The following EPB41L1 variants were observed in gnomAD, a reference collection of about 807,000 sequenced individuals.
EPB41L1 encodes the protein band 4.1-like protein 1.
Under a neutral mutation model 97.8 loss-of-function variants are expected in EPB41L1, and 29 were observed. The ratio of observed to expected loss-of-function variants is 0.30; its 90% confidence interval spans 0.22 to 0.40. The LOEUF (loss-of-function observed/expected upper bound fraction) is 0.40. Ranked by LOEUF, EPB41L1 falls within the 10% of genes least tolerant of loss-of-function variation. The pLI, the probability that EPB41L1 is intolerant of heterozygous loss-of-function variation, is 1.00. For missense variants in EPB41L1, 812 were observed against 1,162.3 expected, an observed-to-expected ratio of 0.70 and a Z score of 4.38; for synonymous variants, 383 against 459.2, an observed-to-expected ratio of 0.83 and a Z score of 2.12.
In EPB41L1 at chr20:36,093,369, C is replaced by T. The variant is rs934535613; in HGVS notation, c.-65+1757C>T. Among the ~76,000 whole-genome samples, 2 of 147,910 alleles carry T rather than the reference C, an allele frequency of 1.4e-5. No individual in the cohort carries two copies. The highest frequency in any genetic ancestry group is 3.0e-5 in the Non-Finnish European group (2 of 66,856). On this transcript the variant is annotated intron_variant, in intron 1 of 19. Coordinates refer to the EPB41L1 transcript ENST00000202028. This position sits in a 1 kb window ranked among gnomAD's most constrained non-coding sequence, Gnocchi z 5.4. ...GCTGTGTGCGCGCCAGTGTAACTCCCGTGTGTGCGCGTGTGAGTGCGGGTG... is the reference window on the plus strand; with the variant it reads ...GCTGTGTGCGCGCCAGTGTAACTCCTGTGTGTGCGCGTGTGAGTGCGGGTG...
At chr20:36,203,948 A>G (rs1317970146) in intron 14 of EPB41L1, among the ~76,000 whole-genome samples, 2 of 152,152 alleles carry the variant, frequency 1.3e-5, no homozygotes, top group African/African-American at 4.8e-5. Flanking sequence ...GGGTGGGATT[A>G]ACAGACTCCT....
chr20:36,157,945 C>A (rs2060377617), intron 1 of EPB41L1, among the ~76,000 whole-genome samples: 2 of 152,180 alleles, frequency 1.3e-5, no homozygotes, highest in Non-Finnish European at 2.9e-5. Flanking sequence ...GCTTGTGGAT[C>A]AGAATAGTAA....
upstream of EPB41L1, among the ~76,000 whole-genome samples, chr20:36,153,480 A>C (rs2060140991): frequency 6.6e-6 from 1 of 152,152 alleles, no homozygotes. Context: ...CATGGTAGGT[A>C]CTTAGGAATG....
chr20:36,129,649 G>A (rs2059115436), intron 2 of EPB41L1, among the ~76,000 whole-genome samples: 1 of 152,144 alleles, frequency 6.6e-6, no homozygotes, highest in Non-Finnish European at 1.5e-5. Context: ...GCCCTCATTT[G>A]CCTGTTGCTG....
Position 36,173,878 on chromosome 20 carries a change from C to G in EPB41L1, c.101C>G (p.Pro34Arg). 2 of 1,614,042 alleles carry G rather than the reference C, an allele frequency of 1.2e-6. No individual in the cohort carries two copies. Among genetic ancestry groups the G allele is most frequent in the Non-Finnish European group, 8.5e-7 (1 of 1,179,960 alleles). ...AAAAVTTPVTPAGHGHPEANS... is the reference protein window; with the variant it reads ...AAAAVTTPVTRAGHGHPEANS... ...GCCGCTGTGACCACCCCTGTGACCC[C>G]TGCAGGCCACGGCCACCCAGAGGCC... Residue 34 changes from proline (P) to arginine (R), a missense_variant, in exon 2 of 22, where the codon CCT (proline) becomes CGT (arginine). Physicochemically the swap from Pro to Arg is moderately radical, Grantham distance 103. Coordinates refer to ENST00000338074, the MANE Select transcript of EPB41L1 (RefSeq NM_012156.2).
chr20:36,191,249 G>A (rs575151335), intron 11 of EPB41L1, among the ~76,000 whole-genome samples: 1 of 152,096 alleles, frequency 6.6e-6, no homozygotes, highest in South Asian at 2.1e-4. Context: ...TCTTATGACT[G>A]CAGTGTGGAG....
chr20:36,094,684 TAAA>T (rs2057772398), intron 1 of EPB41L1, among the ~76,000 whole-genome samples: 1 of 152,106 alleles, frequency 6.6e-6, no homozygotes, highest in South Asian at 2.1e-4. Flanking sequence ...CTGCAATTCT[TAAA>T]AATGTTTCCC....
chr20:36,122,889 A>C (rs2058801850), intron 2 of EPB41L1: 1 of 152,096 alleles, frequency 6.6e-6, no homozygotes, highest in Non-Finnish European at 1.5e-5. Context: ...TCCATCCCTG[A>C]ACAAACGATA....
chr20:36,175,467 A>T, intron 2 of EPB41L1, 84 bp from the exon 3 acceptor site: 1 of 1,534,106 alleles, frequency 6.5e-7, no homozygotes, highest in Non-Finnish European at 9.0e-7. Flanking sequence ...TTGGCCCCAG[A>T]TGCCTCTATA....
chr20:36,129,156 G>A (rs2059090058), intron 2 of EPB41L1, among the ~76,000 whole-genome samples: 3 of 152,074 alleles, frequency 2.0e-5, no homozygotes, highest in African/African-American at 7.2e-5. Flanking sequence ...GGGGGTGAGG[G>A]GTGGGTCCTG....
intron 2 of EPB41L1, among the ~76,000 whole-genome samples, chr20:36,126,298 G>A (rs1382350973): frequency 6.6e-6 from 1 of 151,992 alleles, no homozygotes; most frequent in Non-Finnish European, 1.5e-5. Context: ...CTGTATTTCA[G>A]AGTCTATCAG....
intron 1 of EPB41L1, among the ~76,000 whole-genome samples, chr20:36,103,890 G>C (rs2058103303): frequency 6.6e-6 from 1 of 151,928 alleles, no homozygotes; most frequent in Admixed American, 6.6e-5. Context: ...ATTTTTAGTA[G>C]AGACAGGGTT....
intron 1 of EPB41L1, among the ~76,000 whole-genome samples, chr20:36,171,534 T>C (rs2060988121): frequency 6.6e-6 from 1 of 152,156 alleles, no homozygotes; most frequent in Non-Finnish European, 1.5e-5. Context: ...CCCTCTCATT[T>C]GTACTCCAAG....
Position 36,190,436 on chromosome 20 carries a change from C to T in EPB41L1, c.1124+62C>T. 6.4e-7 allele frequency: 1 copy of T among 1,570,896 alleles called. No individual in the cohort carries two copies. The highest frequency in any genetic ancestry group is 1.1e-5 in the South Asian group (1 of 88,590). ...CAGAGGCCATGTGTATGGAGGGGAGCAGGGGGAGGAGTTAGTGAGAACTCT... is the reference window on the plus strand; with the variant it reads ...CAGAGGCCATGTGTATGGAGGGGAGTAGGGGGAGGAGTTAGTGAGAACTCT... On this transcript the variant is annotated intron_variant, in intron 10 of 21. Coordinates refer to ENST00000338074, the MANE Select transcript of EPB41L1 (RefSeq NM_012156.2). The surrounding 1 kb of genome is among the most constrained non-coding windows in gnomAD (Gnocchi z 5.8).
chr20:36,202,879 C>T (rs2062576594), intron 14 of EPB41L1, among the ~76,000 whole-genome samples: 2 of 151,804 alleles, frequency 1.3e-5, no homozygotes, highest in African/African-American at 4.8e-5. Context: ...CCTGAACAGC[C>T]TGGAGTCAGG....
chr20:36,153,290 G>A (rs907041496), upstream of EPB41L1, among the ~76,000 whole-genome samples: 15 of 151,906 alleles, frequency 9.9e-5, no homozygotes, highest in Admixed American at 2.0e-4. Context: ...TTGGGGGAGG[G>A]AGGTGCCTGG....
rs2063190942 is a variant in EPB41L1 at position 36,212,497 on chromosome 20, A to G, written c.2184+121A>G. ...TAATCTCAGCTTCCCTGGAACCCAT[A>G]TGTTAATCCTGATGCTCTCCTGTGC... On this transcript the variant is annotated intron_variant, in intron 16 of 21. Coordinates refer to ENST00000338074, the MANE Select transcript of EPB41L1 (RefSeq NM_012156.2). The surrounding 1 kb of genome is among the most constrained non-coding windows in gnomAD (Gnocchi z 4.8). 2 of 808,280 alleles carry G rather than the reference A, an allele frequency of 2.5e-6. No homozygotes were observed. The highest frequency in any genetic ancestry group is 2.7e-5 in the East Asian group (1 of 37,548). The allele number at this position is 808,280 out of a possible 1,614,324, so 50.1% of individuals were successfully genotyped here. A position where few individuals can be genotyped will look rare whatever the true frequency, so the allele number is the denominator to read the frequency against.
In EPB41L1 at chr20:36,209,321, T is replaced by C. The variant is rs2062997394; in HGVS notation, c.1669-167T>C. The stretch of plus-strand genomic sequence containing the variant: ...GTTTTTGTTTTTTTTATGCTTGTTA[T>C]GATTTCAAGGAACCTTTCCTGGGGT... On this transcript the variant is annotated intron_variant, in intron 14 of 21. Coordinates refer to ENST00000338074, the MANE Select transcript of EPB41L1 (RefSeq NM_012156.2). The surrounding 1 kb of genome is among the most constrained non-coding windows in gnomAD (Gnocchi z 4.2). Among the ~76,000 whole-genome samples, 1 of 152,124 alleles carries C rather than the reference T, an allele frequency of 6.6e-6. No individual in the cohort carries two copies. Among genetic ancestry groups the C allele is most frequent in the Admixed American group, 6.5e-5 (1 of 15,280 alleles).
intron 2 of EPB41L1, among the ~76,000 whole-genome samples, chr20:36,133,584 C>T (rs2059302966): frequency 6.6e-6 from 1 of 152,224 alleles, no homozygotes; most frequent in African/African-American, 2.4e-5. Flanking sequence ...TAGCTGGGCA[C>T]AGTGGCTCAT....
Sources: gnomAD v4.1 joint callset for allele counts (sites outside exome capture counted in the v4.1 genomes callset) on GRCh38, gnomAD v4.1.1 for gene constraint, Gnocchi (gnomAD v3.1) non-coding constraint, MANE v1.5 for transcripts, NCBI Gene and HGNC (gene_info 2026-07-23, HGNC 2026-07-21) for gene names.